The following CDH13 variants were observed in gnomAD, a reference collection of about 807,000 sequenced individuals.
CDH13 encodes the protein cadherin 13, also known as cadherin-13.
Under a neutral mutation model 63.8 loss-of-function variants are expected in CDH13, and 24 were observed. The observed-to-expected ratio is 0.38, with a 90% CI of 0.27 to 0.53. The LOEUF (loss-of-function observed/expected upper bound fraction) is 0.53. Ranked by LOEUF, CDH13 falls within the 20% of genes least tolerant of loss-of-function variation. The pLI is 0.85. For synonymous variants in CDH13, 503 were observed against 355.3 expected (o/e 1.42, Z -4.67); for missense variants, 1,049 against 903.1 (o/e 1.16, Z -2.07).
chr16:83,630,620 A>C (rs1910691794), intron 8 of CDH13, among the ~76,000 whole-genome samples: 1 of 152,212 alleles, frequency 6.6e-6, no homozygotes, highest in African/African-American at 2.4e-5. Flanking sequence ...TTACGTAAAC[A>C]ATCAGACTGA....
chr16:82,857,947 C>G (rs941907216), intron 1 of CDH13, among the ~76,000 whole-genome samples: 1 of 152,138 alleles, frequency 6.6e-6, no homozygotes, highest in East Asian at 1.9e-4. Flanking sequence ...GAAGTAAATT[C>G]CAACAGAATA....
chr16:82,863,919 T>A (rs1465863849), intron 2 of CDH13, among the ~76,000 whole-genome samples: 1 of 152,224 alleles, frequency 6.6e-6, no homozygotes, highest in Admixed American at 6.5e-5. Flanking sequence ...TGGTATGAAT[T>A]TTTTAAAAGT....
chr16:83,184,474 G>T (rs901003114), intron 4 of CDH13, among the ~76,000 whole-genome samples: 2 of 152,138 alleles, frequency 1.3e-5, no homozygotes, highest in African/African-American at 2.4e-5. Context: ...GAGGCCAGGG[G>T]CAGGGTGCGG....
intron 2 of CDH13, among the ~76,000 whole-genome samples, chr16:82,951,381 G>A (rs1905273840): frequency 6.6e-6 from 1 of 152,144 alleles, no homozygotes; most frequent in South Asian, 2.1e-4. Flanking sequence ...TGAGCTGGAG[G>A]TATAGATACA....
chr16:83,693,445 G>C (rs1390765707), intron 10 of CDH13, among the ~76,000 whole-genome samples: 2 of 152,168 alleles, frequency 1.3e-5, no homozygotes, highest in Non-Finnish European at 2.9e-5. Flanking sequence ...AGAATATTTG[G>C]TTTTCATGCC....
rs114319914 is a variant in CDH13 at position 82,632,850 on chromosome 16, G to T, written c.45+5713G>T. Among the ~76,000 whole-genome samples, 392 of 152,156 alleles carry T rather than the reference G, an allele frequency of 2.6e-3. 2 individuals carry two copies. The highest frequency in any genetic ancestry group is 9.2e-3 in the African/African-American group (382 of 41,484). ...CTGGGAGCCCTGAGCTTGTTTTTCT[G>T]CCACTAGATGGTCCCATCTGGGGGT... On this transcript the variant is annotated intron_variant, in intron 1 of 13. Coordinates refer to ENST00000567109, the MANE Select transcript of CDH13 (RefSeq NM_001257.5).
At chr16:83,139,810 C>G (rs1051416859) in intron 4 of CDH13, among the ~76,000 whole-genome samples, 1 of 152,078 alleles carries the variant, frequency 6.6e-6, no homozygotes, top group Non-Finnish European at 1.5e-5. Context: ...TGAGACCACC[C>G]TGACCAACAT....
intron 8 of CDH13, among the ~76,000 whole-genome samples, chr16:83,621,228 T>C (rs992550033): frequency 5.3e-5 from 8 of 152,314 alleles, no homozygotes; most frequent in Admixed American, 3.3e-4. Context: ...GAGCCCACTA[T>C]TCAGGCATTT....
intron 1 of CDH13, among the ~76,000 whole-genome samples, chr16:82,671,809 C>T (rs571997918): frequency 3.2e-4 from 48 of 151,362 alleles, no homozygotes; most frequent in Admixed American, 8.6e-4. Flanking sequence ...ATTCATGACC[C>T]TTTGGATTAT....
At position 83,349,662 on chromosome 16, in the gene CDH13, A is replaced by T. The variant is rs940702674; in HGVS notation, c.781+4656A>T. ...GTTGCCCAGGCTGGAGTGCAATAGTATGATCTCAGCTCACTGCAACCTGTG... is the reference window on the plus strand; with the variant it reads ...GTTGCCCAGGCTGGAGTGCAATAGTTTGATCTCAGCTCACTGCAACCTGTG... On this transcript the variant is annotated intron_variant, in intron 6 of 13. Coordinates refer to ENST00000567109, the MANE Select transcript of CDH13 (RefSeq NM_001257.5). 3.3e-5 allele frequency among the ~76,000 whole-genome samples: 5 copies of T among 152,014 alleles called. 1 individual carries two copies. Among genetic ancestry groups the T allele is most frequent in the Admixed American group, 3.3e-4 (5 of 15,260 alleles).
At chr16:83,437,509 C>G (rs1444123426) in intron 6 of CDH13, among the ~76,000 whole-genome samples, 3 of 151,946 alleles carry the variant, frequency 2.0e-5, no homozygotes, top group African/African-American at 4.8e-5. Flanking sequence ...AACCCCGTCT[C>G]TACTACAAAT....
chr16:83,253,012 A>G (rs547295179), intron 5 of CDH13, among the ~76,000 whole-genome samples: 1 of 152,248 alleles, frequency 6.6e-6, no homozygotes, highest in South Asian at 2.1e-4. Flanking sequence ...TACTAAGAGA[A>G]TTGAGGTATT....
At chr16:82,880,629 G>A (rs1597885456) in intron 2 of CDH13, among the ~76,000 whole-genome samples, 1 of 152,122 alleles carries the variant, frequency 6.6e-6, no homozygotes, top group Non-Finnish European at 1.5e-5. Context: ...CAAGTCAATG[G>A]CCAACGGTGC....
chr16:83,372,129 G>C (rs2091378534), intron 6 of CDH13, among the ~76,000 whole-genome samples: 1 of 152,180 alleles, frequency 6.6e-6, no homozygotes, highest in Non-Finnish European at 1.5e-5. Flanking sequence ...ACGCCTTTCA[G>C]ATGTACACCT....
intron 1 of CDH13, among the ~76,000 whole-genome samples, chr16:82,671,601 T>A (rs925512607): frequency 6.6e-6 from 1 of 152,214 alleles, no homozygotes; most frequent in Non-Finnish European, 1.5e-5. Context: ...TTCTCACTAA[T>A]CCTTTGTGGT....
chr16:82,880,288 C>G (rs1039201305), intron 2 of CDH13, among the ~76,000 whole-genome samples: 4 of 152,120 alleles, frequency 2.6e-5, no homozygotes, highest in African/African-American at 9.7e-5. Flanking sequence ...TTTCAGCAAG[C>G]TACGTGGATG....
chr16:82,941,433 G>A (rs1303174467), intron 2 of CDH13, among the ~76,000 whole-genome samples: 1 of 152,158 alleles, frequency 6.6e-6, no homozygotes, highest in Non-Finnish European at 1.5e-5. Context: ...TCCCCTCCTA[G>A]CTCTAAGATC....
At chr16:82,839,002 C>T (rs1312914403) in intron 1 of CDH13, among the ~76,000 whole-genome samples, 2 of 152,232 alleles carry the variant, frequency 1.3e-5, no homozygotes, top group Non-Finnish European at 2.9e-5. Flanking sequence ...AGCATGAAAG[C>T]AGACATACAC....
chr16:82,675,645 C>G (rs1054801208), intron 1 of CDH13, among the ~76,000 whole-genome samples: 1 of 152,170 alleles, frequency 6.6e-6, no homozygotes, highest in African/African-American at 2.4e-5. Flanking sequence ...GCGGAGGCCA[C>G]CAAACCTGCT....
Sources: gnomAD v4.1 joint callset for allele counts (sites outside exome capture counted in the v4.1 genomes callset) on GRCh38, gnomAD v4.1.1 for gene constraint, MANE v1.5 for transcripts, NCBI Gene and HGNC (gene_info 2026-07-23, HGNC 2026-07-21) for gene names.